ZNF274: variants seen among roughly 807,000 people sequenced by gnomAD.
ZNF274 encodes zinc finger protein 274.
A neutral mutation model predicts 42.5 loss-of-function variants in ZNF274; 23 were observed. The observed-to-expected ratio is 0.54, with a 90% confidence interval of 0.39 to 0.77. The LOEUF is 0.77. Among genes scored for constraint, ZNF274 ranks in the 30% least tolerant of loss-of-function variants. The pLI, the probability that ZNF274 is intolerant of heterozygous loss-of-function variation, is 0.00. For synonymous variants in ZNF274, 292 were observed against 305.4 expected (o/e 0.96, Z 0.46); for missense variants, 679 against 806.5 (o/e 0.84, Z 1.91).
chr19:58,188,688 G>GTGTA (rs2075736874), intron 4 of ZNF274, among the ~76,000 whole-genome samples: 1 of 52,982 alleles, frequency 1.9e-5, no homozygotes, highest in Non-Finnish European at 3.4e-5. Flanking sequence ...ATATATATAT[G>GTGTA]TATATGTATA....
rs117200363 is a variant in ZNF274 at position 58,189,649 on chromosome 19, G to A, written c.256+2607G>A. On this transcript the variant is annotated intron_variant, in intron 4 of 7. Transcript: ENST00000617501. ...AGAAAAAGTCTTAGCTGGCTTTAGC[G>A]ATCTATTTCTCCAGATGAACACTTA... Among the ~76,000 whole-genome samples, 6 of 152,190 alleles carry A rather than the reference G, an allele frequency of 3.9e-5. No homozygotes were observed. In the East Asian group the frequency reaches 1.2e-3, roughly 29 times the overall value.
chr19:58,209,200 C>G (rs930593562), intron 5 of ZNF274: 1 of 152,350 alleles, frequency 6.6e-6, no homozygotes, highest in Non-Finnish European at 1.5e-5. Flanking sequence ...TGGGATTTCT[C>G]TTTCCCAAAT....
Position 58,207,809 on chromosome 19 carries a change from A to G in ZNF274, c.739+607A>G, listed in dbSNP as rs1434605438. ...GTTGGAGCTGGCACTGCCAGTGGGG[A>G]CTTTAGTCCTAAAGCAAAGCAAAAT... On this transcript the variant is annotated intron_variant, in intron 5 of 7. Transcript: ENST00000617501. The surrounding 1 kb of genome is among the most constrained non-coding windows in gnomAD (Gnocchi z 5.6). Among the ~76,000 whole-genome samples the G allele has an allele frequency of 6.6e-6, 1 of 152,196 alleles. No homozygotes were observed. Among genetic ancestry groups the G allele is most frequent in the Non-Finnish European group, 1.5e-5 (1 of 68,036 alleles).
At chr19:58,198,668 G>C (rs1327720620) in intron 4 of ZNF274, among the ~76,000 whole-genome samples, 1 of 152,064 alleles carries the variant, frequency 6.6e-6, no homozygotes. Context: ...CTGCTTCCTG[G>C]TCCAGTTCCT....
intron 3 of ZNF274, 60 bp from the exon 4 acceptor site, chr19:58,186,887 G>C (rs1051071269): frequency 5.5e-6 from 8 of 1,458,524 alleles, no homozygotes; most frequent in Non-Finnish European, 7.6e-6. Context: ...TGCTGCAGTA[G>C]GATAGCATTT....
At position 58,212,342 on chromosome 19, in the gene ZNF274, G is replaced by A. The variant is rs2076051738; in HGVS notation, c.1161G>A (p.Glu387=). The change falls in exon 8 of 8, where the codon GAG becomes GAA. Residue 387 remains glutamate, a synonymous_variant. Transcript: ENST00000617501. The surrounding 1 kb of genome is among the most constrained non-coding windows in gnomAD (Gnocchi z 4.6). Reference sequence around the variant, plus strand: ...AAGACACAGTGTTGAAGCAGATGGAGTCTGCTCAGGAAAAAGACCTTCCTC... The same window carrying A: ...AAGACACAGTGTTGAAGCAGATGGAATCTGCTCAGGAAAAAGACCTTCCTC... ...EVQDTVLKQM[E]SAQEKDLPQK... is the part of the protein sequence containing the mutation. 6.2e-7 allele frequency: 1 copy of A among 1,613,892 alleles called. No individual in the cohort carries two copies. The highest frequency in any genetic ancestry group is 1.3e-5 in the African/African-American group (1 of 74,916).
intron 2 of ZNF274, among the ~76,000 whole-genome samples, chr19:58,185,099 G>T (rs962899181): frequency 2.3e-4 from 33 of 144,034 alleles, no homozygotes; most frequent in Admixed American, 5.7e-4. Context: ...CAGCCTGGGC[G>T]ACAGAGAGAG....
At chr19:58,200,571 G>A (rs1293444722) in intron 4 of ZNF274, among the ~76,000 whole-genome samples, 3 of 151,840 alleles carry the variant, frequency 2.0e-5, no homozygotes, top group Non-Finnish European at 2.9e-5. Context: ...TGGGAAAGGC[G>A]AACCAGGTGA....
intron 4 of ZNF274, chr19:58,202,602 CAT>C (rs963335511): frequency 6.6e-6 from 1 of 152,188 alleles, no homozygotes; most frequent in Non-Finnish European, 1.5e-5. Context: ...TGCAGCTCCA[CAT>C]GAGTGGGTTG....
chr19:58,203,445 C>A (rs541217887), intron 4 of ZNF274, among the ~76,000 whole-genome samples: 2 of 152,100 alleles, frequency 1.3e-5, no homozygotes, highest in South Asian at 4.1e-4. Context: ...TTAGCTGGGC[C>A]TGGCGGTGGG....
chr19:58,205,403 G>A (rs1287104667), intron 4 of ZNF274, among the ~76,000 whole-genome samples: 1 of 152,170 alleles, frequency 6.6e-6, no homozygotes, highest in African/African-American at 2.4e-5. Flanking sequence ...GGAGTGCAGT[G>A]GTGCAATCAT....
At chr19:58,192,961 C>T (rs1239524946) in intron 4 of ZNF274, among the ~76,000 whole-genome samples, 1 of 152,084 alleles carries the variant, frequency 6.6e-6, no homozygotes, top group Non-Finnish European at 1.5e-5. Flanking sequence ...TCGAGCTTGC[C>T]TCAAGCAATC....
chr19:58,188,702 A>ATG (rs757392884), intron 4 of ZNF274, among the ~76,000 whole-genome samples: 8,555 of 112,122 alleles, frequency 0.076, 761 homozygotes, highest in East Asian at 0.34. Context: ...ATGTATATAT[A>ATG]TATATATATA....
chr19:58,197,883 C>T (rs1043983418), intron 4 of ZNF274, among the ~76,000 whole-genome samples: 4 of 152,192 alleles, frequency 2.6e-5, no homozygotes, highest in African/African-American at 9.7e-5. Flanking sequence ...TTTACATTCT[C>T]TGCCACCTCC....
At position 58,206,882 on chromosome 19, in the gene ZNF274, C is replaced by T. The variant is rs201982104; in HGVS notation, c.419C>T (p.Ala140Val). 365 of 1,613,414 alleles carry T rather than the reference C, an allele frequency of 2.3e-4. 1 individual carries two copies. The highest frequency in any genetic ancestry group is 1.8e-3 in the African/African-American group (135 of 75,004). Reference protein sequence around the residue: ...ALYAEDGSLSADAPSEQVQQQ... With the variant: ...ALYAEDGSLSVDAPSEQVQQQ... ...TATGCTGAAGATGGAAGCCTGAGTG[C>T]AGATGCCCCCAGTGAGCAGGTCCAA... Residue 140 changes from alanine to valine, a missense_variant, in exon 5 of 8, where the codon GCA (alanine) becomes GTA (valine). Coordinates refer to ENST00000617501, the MANE Select transcript of ZNF274 (RefSeq NM_133502.3).
At chr19:58,198,331 A>C (rs1397000518) in intron 4 of ZNF274, among the ~76,000 whole-genome samples, 1 of 152,216 alleles carries the variant, frequency 6.6e-6, no homozygotes, top group African/African-American at 2.4e-5. Context: ...AGAATGAGCA[A>C]CCTCTTTATG....
chr19:58,185,865 G>A, intron 3 of ZNF274, 27 bp downstream of exon 3: 1 of 1,348,734 alleles, frequency 7.4e-7, no homozygotes, highest in Non-Finnish European at 9.6e-7. Flanking sequence ...GGTCAAGAAG[G>A]ATCTGTGCTT....
At chr19:58,190,308 C>T (rs574317617) in intron 4 of ZNF274, among the ~76,000 whole-genome samples, 17 of 152,032 alleles carry the variant, frequency 1.1e-4, no homozygotes, top group Admixed American at 3.3e-4. Context: ...CCACTATGCC[C>T]GGCCAATTTT....
Position 58,212,982 on chromosome 19 carries a change from C to T in ZNF274, c.1801C>T (p.Arg601Cys), listed in dbSNP as rs749258654. ...GTGTCAGGACTGTGGAAAAGCCTTC[C>T]GCCAGAGCTCCCACCTCATCAGACA... Reference protein sequence around the residue: ...YKCQDCGKAFRQSSHLIRHQR... With the variant: ...YKCQDCGKAFCQSSHLIRHQR... Residue 601 changes from arginine (R) to cysteine (C), a missense_variant, in exon 8 of 8, where the codon CGC becomes TGC. By Grantham distance (180) the Arg-to-Cys change is radical. Transcript: ENST00000617501. The surrounding 1 kb of genome is among the most constrained non-coding windows in gnomAD (Gnocchi z 4.6). 25 of 1,613,782 alleles carry T rather than the reference C, an allele frequency of 1.5e-5. No homozygotes were observed. Among genetic ancestry groups the T allele is most frequent in the East Asian group, 2.2e-5 (1 of 44,896 alleles).
Sources: allele counts gnomAD v4.1 joint callset (sites outside exome capture counted in the v4.1 genomes callset), GRCh38; gene constraint gnomAD v4.1.1; non-coding constraint Gnocchi (gnomAD v3.1); transcripts MANE v1.5; gene names NCBI Gene and HGNC (gene_info 2026-07-23, HGNC 2026-07-21).